The following SENP8 variants were observed in gnomAD, a reference collection of about 807,000 sequenced individuals.
SENP8 encodes SUMO peptidase family member, NEDD8 specific.
SENP8 carries 10 observed loss-of-function variants against 14.4 expected under a neutral mutation model. The observed-to-expected ratio is 0.69, with a 90% CI of 0.43 to 1.18. SENP8 has a LOEUF of 1.18. SENP8 is among the 50% of genes most tolerant of loss of function. SENP8 has a pLI of 0.00. For synonymous variants in SENP8, 94 were observed against 95.5 expected (o/e 0.98, Z 0.09); for missense variants, 202 against 249.4 (o/e 0.81, Z 1.28).
At chr15:72,119,603 C>A (rs1596638801) in intron 1 of SENP8, among the ~76,000 whole-genome samples, 1 of 152,140 alleles carries the variant, frequency 6.6e-6, no homozygotes, top group Admixed American at 6.5e-5. Context: ...AAAAAATTAG[C>A]CGGGCGTGGT....
In SENP8 at chr15:72,139,628, A is replaced by G; in HGVS notation, c.5A>G (p.Asp2Gly). The G allele has an allele frequency of 6.2e-7, 1 of 1,613,208 alleles. No individual in the cohort carries two copies. The highest frequency in any genetic ancestry group is 1.7e-5 in the Admixed American group (1 of 59,980). The change falls in exon 2 of 2, where the codon GAC becomes GGC. Residue 2 changes from aspartate (D) to glycine (G), a missense_variant. By Grantham distance (94) the Asp-to-Gly change is moderately conservative (BLOSUM62 -1). Coordinates refer to ENST00000340912, the MANE Select transcript of SENP8 (RefSeq NM_145204.4). MDPVVLSYMDSL... is the reference protein window; with the variant it reads MGPVVLSYMDSL... The stretch of plus-strand genomic sequence containing the variant: ...AGCAGCCCTCGTCAGTACAAGATGG[A>G]CCCCGTAGTCTTGAGTTACATGGAC...
intron 1 of SENP8, among the ~76,000 whole-genome samples, chr15:72,121,933 C>A (rs772980069): frequency 6.6e-6 from 1 of 152,228 alleles, no homozygotes; most frequent in Non-Finnish European, 1.5e-5. Flanking sequence ...TCTAATAAAG[C>A]AATGGCCTTA....
chr15:72,137,508 C>T (rs1007643747), intron 1 of SENP8, among the ~76,000 whole-genome samples: 1 of 152,072 alleles, frequency 6.6e-6, no homozygotes, highest in Admixed American at 6.6e-5. Flanking sequence ...AACAGGCAAA[C>T]ACATGTTATA....
At chr15:72,124,538 A>G (rs2081198450) in intron 1 of SENP8, among the ~76,000 whole-genome samples, 1 of 152,244 alleles carries the variant, frequency 6.6e-6, no homozygotes, top group Non-Finnish European at 1.5e-5. Context: ...TGAATCAGAC[A>G]TTAGAAGTTG....
Position 72,139,633 on chromosome 15 carries a change from G to A in SENP8, c.10G>A (p.Val4Ile), listed in dbSNP as rs375627078. Residue 4 changes from valine to isoleucine, a missense_variant, in exon 2 of 2, where the codon GTA becomes ATA. Coordinates refer to ENST00000340912, the MANE Select transcript of SENP8 (RefSeq NM_145204.4). The stretch of plus-strand genomic sequence containing the variant: ...CCCTCGTCAGTACAAGATGGACCCC[G>A]TAGTCTTGAGTTACATGGACAGTCT... Reference protein sequence around the residue: MDPVVLSYMDSLLR... With the variant: MDPIVLSYMDSLLR... 1.7e-5 allele frequency: 27 copies of A among 1,613,424 alleles called. No homozygotes were observed. In the African/African-American group the frequency reaches 1.7e-4, roughly 10 times the overall value.
rs1409443859 is a variant in SENP8 at position 72,142,328 on chromosome 15, T to G, written c.*2066T>G. ...ATTGCAGGAGAATTTAAGAATTGAC[T>G]TGTATTTCACTGGATACTATAGTAC... is the stretch of plus-strand genomic sequence containing the variant. On this transcript the variant is annotated 3_prime_UTR_variant, in exon 2 of 2. Transcript: ENST00000340912. 1.3e-5 allele frequency: 2 copies of G among 152,224 alleles called. No individual in the cohort carries two copies. The highest frequency in any genetic ancestry group is 6.5e-5 in the Admixed American group (1 of 15,276). The allele number at this position is 152,224 out of a possible 1,614,324, so 9.4% of individuals were successfully genotyped here.
intron 1 of SENP8, among the ~76,000 whole-genome samples, chr15:72,124,672 A>T (rs2081199398): frequency 6.6e-6 from 1 of 152,216 alleles, no homozygotes; most frequent in South Asian, 2.1e-4. Flanking sequence ...TCAGAAGTTG[A>T]AAAAATGGAA....
At chr15:72,115,218 T>C (rs544639969), upstream of SENP8, among the ~76,000 whole-genome samples, 1 of 152,214 alleles carries the variant, frequency 6.6e-6, no homozygotes, top group Non-Finnish European at 1.5e-5. Context: ...AATGTTGGGT[T>C]TCCATCCTAA....
At chr15:72,136,325 T>C (rs986066772) in intron 1 of SENP8, among the ~76,000 whole-genome samples, 2 of 152,250 alleles carry the variant, frequency 1.3e-5, no homozygotes, top group Non-Finnish European at 2.9e-5. Flanking sequence ...TTTACCTTTC[T>C]CTGGCCAGAT....
chr15:72,118,396 C>T (rs1335429119), upstream of SENP8: 1 of 157,994 alleles, frequency 6.3e-6, no homozygotes, highest in Admixed American at 6.5e-5. Flanking sequence ...AGTTTGCGAC[C>T]GTAGCTGTCG....
upstream of SENP8, among the ~76,000 whole-genome samples, chr15:72,115,861 C>G (rs535415345): frequency 6.6e-6 from 1 of 151,984 alleles, no homozygotes; most frequent in African/African-American, 2.4e-5. Context: ...TAACATCAGA[C>G]ACATTTAAAA....
At chr15:72,134,427 A>C (rs1420366329) in intron 1 of SENP8, among the ~76,000 whole-genome samples, 1 of 152,148 alleles carries the variant, frequency 6.6e-6, no homozygotes, top group African/African-American at 2.4e-5. Context: ...AAAAATTTAA[A>C]AATTAGCCAG....
At chr15:72,119,526 A>T (rs1463652608) in intron 1 of SENP8, among the ~76,000 whole-genome samples, 2 of 152,160 alleles carry the variant, frequency 1.3e-5, no homozygotes, top group African/African-American at 4.8e-5. Context: ...AGGCGGGTGG[A>T]TCACGAGGTC....
At chr15:72,138,381 G>C (rs1461281061) in intron 1 of SENP8, among the ~76,000 whole-genome samples, 3 of 134,522 alleles carry the variant, frequency 2.2e-5, no homozygotes, top group African/African-American at 8.4e-5. Flanking sequence ...ATGGAGTCTT[G>C]CTCTGTTGCC....
chr15:72,122,782 C>T (rs1467948706), intron 1 of SENP8, among the ~76,000 whole-genome samples: 2 of 152,126 alleles, frequency 1.3e-5, no homozygotes, highest in Non-Finnish European at 2.9e-5. Flanking sequence ...TTTTATGAGG[C>T]TTTTTAATAA....
At chr15:72,128,342 T>A (rs1332403290) in intron 1 of SENP8, among the ~76,000 whole-genome samples, 1 of 152,242 alleles carries the variant, frequency 6.6e-6, no homozygotes, top group Non-Finnish European at 1.5e-5. Context: ...TTTAAGCTGC[T>A]AAAGCATAAG....
rs2081216815 is a variant in SENP8 at position 72,126,154 on chromosome 15, A to C, written c.-48+7690A>C. Among the ~76,000 whole-genome samples the C allele has an allele frequency of 3.3e-5, 5 of 152,112 alleles. 1 individual carries two copies. The South Asian group carries it at 1.0e-3, about 32-fold the overall frequency. ...TCTCACTTCATAGGTATTTCAGGAA[A>C]TACCTATGAAAGCCTGTGGAACTGA... On this transcript the variant is annotated intron_variant, in intron 1 of 1. Coordinates refer to ENST00000340912, the MANE Select transcript of SENP8 (RefSeq NM_145204.4).
At chr15:72,117,276 AGGGGCACAT>A (rs1425175200), upstream of SENP8, 1 of 152,342 alleles carries the variant, frequency 6.6e-6, no homozygotes, top group Non-Finnish European at 1.5e-5. Context: ...GAGTAGGGCG[AGGGGCACAT>A]GGGGGACGCA....
chr15:72,116,130 T>A (rs1315326784), upstream of SENP8, among the ~76,000 whole-genome samples: 1 of 152,188 alleles, frequency 6.6e-6, no homozygotes, highest in Non-Finnish European at 1.5e-5. Flanking sequence ...CACATGAAGC[T>A]GGAAATAGTG....
Sources: gnomAD v4.1 joint callset for allele counts (sites outside exome capture counted in the v4.1 genomes callset) on GRCh38, gnomAD v4.1.1 for gene constraint, MANE v1.5 for transcripts, NCBI Gene and HGNC (gene_info 2026-07-23, HGNC 2026-07-21) for gene names.